The following CORIN variants were observed in gnomAD, a reference collection of about 807,000 sequenced individuals.
The protein encoded by CORIN is atrial natriuretic peptide-converting enzyme.
CORIN carries 117 observed loss-of-function variants against 125.3 expected under a neutral mutation model. The observed-to-expected ratio is 0.93, with a 90% CI of 0.80 to 1.09. CORIN has a LOEUF of 1.09. Among genes scored for constraint, CORIN ranks in the 50% least tolerant of loss-of-function variants. CORIN has a pLI of 0.00. For synonymous variants in CORIN, 450 were observed against 466.4 expected (o/e 0.96, Z 0.45); for missense variants, 1,253 against 1,306.7 (o/e 0.96, Z 0.63).
intron 4 of CORIN, among the ~76,000 whole-genome samples, chr4:47,750,972 C>T (rs1728873799): frequency 1.3e-5 from 2 of 152,182 alleles, no homozygotes; most frequent in South Asian, 2.1e-4. Context: ...TGTGAGCAGA[C>T]GGTTAAACTA....
At chr4:47,827,206 G>A (rs1732773813) in intron 1 of CORIN, among the ~76,000 whole-genome samples, 1 of 152,052 alleles carries the variant, frequency 6.6e-6, no homozygotes, top group Non-Finnish European at 1.5e-5. Flanking sequence ...CCCAGACTTT[G>A]GAAGCAACAT....
At chr4:47,693,379 G>A (rs1430148218) in intron 5 of CORIN, among the ~76,000 whole-genome samples, 1 of 152,176 alleles carries the variant, frequency 6.6e-6, no homozygotes, top group Non-Finnish European at 1.5e-5. Flanking sequence ...TTCATCATTT[G>A]CACAATTTAT....
intron 19 of CORIN, among the ~76,000 whole-genome samples, chr4:47,618,342 AAAGG>A (rs1311287217): frequency 8.2e-4 from 116 of 142,044 alleles, no homozygotes; most frequent in Non-Finnish European, 1.1e-3. Context: ...CAAAAAAAAA[AAAGG>A]AAAGGAAAGG....
intron 3 of CORIN, among the ~76,000 whole-genome samples, chr4:47,782,212 C>T (rs185131243): frequency 6.6e-6 from 1 of 150,888 alleles, no homozygotes; most frequent in East Asian, 2.0e-4. Context: ...TGGCAAAACC[C>T]TGTCTCTACT....
chr4:47,680,082 A>C lies in CORIN; in HGVS notation c.1132+59T>G, dbSNP rs188651207. 7.4e-6 allele frequency: 8 copies of C among 1,079,648 alleles called. No homozygotes were observed. In the Admixed American group the frequency reaches 1.4e-4, roughly 19 times the overall value. 66.9% of individuals were successfully genotyped at this position (1,079,648 alleles called of 1,614,324 possible). A position where few individuals can be genotyped will look rare whatever the true frequency, so the allele number is the denominator to read the frequency against. ...TTAAGTACAGTCCTCAACCTTGAGT[A>C]CAGCCTAAAGAACCAGAAATGGAAA... On this transcript the variant is annotated intron_variant, in intron 8 of 21. Transcript: ENST00000273857.
At chr4:47,674,365 T>G in intron 10 of CORIN, 28 bp downstream of exon 10, 1 of 1,409,890 alleles carries the variant, frequency 7.1e-7, no homozygotes, top group Non-Finnish European at 1.0e-6. Flanking sequence ...CTGACATGGC[T>G]ATTGCATTTG....
intron 3 of CORIN, among the ~76,000 whole-genome samples, chr4:47,783,818 CATTT>C (rs1279596612): frequency 6.6e-6 from 1 of 151,948 alleles, no homozygotes; most frequent in African/African-American, 2.4e-5. Flanking sequence ...GACTATAGTT[CATTT>C]ATTTATTCAT....
intron 4 of CORIN, among the ~76,000 whole-genome samples, chr4:47,749,631 T>C (rs1728815159): frequency 6.6e-6 from 1 of 152,224 alleles, no homozygotes; most frequent in Non-Finnish European, 1.5e-5. Context: ...TAATAATATA[T>C]GTGTGTTGCT....
At chr4:47,662,842 G>T (rs960887598) in intron 11 of CORIN, among the ~76,000 whole-genome samples, 1 of 152,184 alleles carries the variant, frequency 6.6e-6, no homozygotes, top group Non-Finnish European at 1.5e-5. Context: ...AAATTTCGGA[G>T]AAAGTTCTGT....
chr4:47,799,176 A>G (rs1394914184), intron 2 of CORIN, among the ~76,000 whole-genome samples: 1 of 148,362 alleles, frequency 6.7e-6, no homozygotes, highest in Non-Finnish European at 1.5e-5. Flanking sequence ...TATCCAATCT[A>G]CCACTGATGG....
intron 4 of CORIN, among the ~76,000 whole-genome samples, chr4:47,753,550 C>A (rs1440141666): frequency 6.6e-6 from 1 of 152,074 alleles, no homozygotes; most frequent in Non-Finnish European, 1.5e-5. Context: ...GACCTCCCCC[C>A]AGGAATGCAC....
At chr4:47,743,380 AAGAC>A (rs780024467) in intron 5 of CORIN, among the ~76,000 whole-genome samples, 24 of 152,248 alleles carry the variant, frequency 1.6e-4, no homozygotes, top group Non-Finnish European at 2.9e-4. Context: ...TGAAGACAAA[AAGAC>A]AGACCATCAA....
intron 1 of CORIN, among the ~76,000 whole-genome samples, chr4:47,821,707 C>A (rs190205442): frequency 4.7e-4 from 72 of 152,224 alleles, no homozygotes; most frequent in African/African-American, 1.6e-3. Flanking sequence ...ATGATTGTCT[C>A]ATTTCTTCCC....
intron 21 of CORIN, among the ~76,000 whole-genome samples, chr4:47,598,375 C>T (rs977833419): frequency 2.6e-5 from 4 of 151,982 alleles, no homozygotes; most frequent in Non-Finnish European, 5.9e-5. Flanking sequence ...ATTTAGTATA[C>T]CCAGTACTAA....
chr4:47,809,525 C>A (rs1731965061), intron 1 of CORIN, among the ~76,000 whole-genome samples: 1 of 151,750 alleles, frequency 6.6e-6, no homozygotes, highest in Non-Finnish European at 1.5e-5. Context: ...CTACCTCAGC[C>A]TCCTGAATAG....
intron 3 of CORIN, among the ~76,000 whole-genome samples, chr4:47,767,008 A>C (rs1729785611): frequency 6.6e-6 from 1 of 151,978 alleles, no homozygotes; most frequent in South Asian, 2.1e-4. Flanking sequence ...TTAAGCACAT[A>C]TCCTCCCTCC....
chr4:47,744,608 G>A (rs1196642099), intron 4 of CORIN, 25 bp from the exon 5 acceptor site: 5 of 1,544,492 alleles, frequency 3.2e-6, no homozygotes, highest in Non-Finnish European at 4.4e-6. Context: ...AGAGAAAGGT[G>A]AAAATTAGTG....
At chr4:47,816,331 A>C (rs1732267290) in intron 1 of CORIN, among the ~76,000 whole-genome samples, 1 of 152,228 alleles carries the variant, frequency 6.6e-6, no homozygotes, top group Admixed American at 6.5e-5. Flanking sequence ...TAGTTCCATG[A>C]ATATTCTAGT....
rs531489418 is a variant in CORIN, at chr4:47,742,013, C to T, written c.799+2389G>A. ...ATGGTTGTACAATTCTGTGTGTATA[C>T]TAAACCACTTAATAATATACTTTAA... is the stretch of plus-strand genomic sequence containing the variant. On this transcript the variant is annotated intron_variant, in intron 5 of 21. Coordinates refer to ENST00000273857, the MANE Select transcript of CORIN (RefSeq NM_006587.4). 1.3e-4 allele frequency among the ~76,000 whole-genome samples: 19 copies of T among 151,964 alleles called. No individual in the cohort carries two copies. The South Asian group carries it at 3.1e-3, about 25-fold the overall frequency.
Sources: gnomAD v4.1 joint callset for allele counts (sites outside exome capture counted in the v4.1 genomes callset) on GRCh38, gnomAD v4.1.1 for gene constraint, MANE v1.5 for transcripts, NCBI Gene and HGNC (gene_info 2026-07-23, HGNC 2026-07-21) for gene names.